The following LCORL variants were observed in gnomAD, a reference collection of about 807,000 sequenced individuals.
The protein encoded by LCORL is ligand dependent nuclear receptor corepressor like, also known as ligand-dependent nuclear receptor corepressor-like protein.
In LCORL, 41 loss-of-function variants were observed where a neutral mutation model predicts 141.8. The observed-to-expected ratio is 0.29, with a 90% confidence interval of 0.23 to 0.38. The LOEUF (loss-of-function observed/expected upper bound fraction) is 0.38. Among genes scored for constraint, LCORL ranks in the 10% least tolerant of loss-of-function variants. The pLI is 1.00. For missense variants in LCORL, 1,759 were observed against 2,035.0 expected, an observed-to-expected ratio of 0.86 and a Z score of 2.61; for synonymous variants, 618 against 694.1, an observed-to-expected ratio of 0.89 and a Z score of 1.72.
Position 17,961,098 on chromosome 4 carries a change from T to TC in LCORL, c.430+804dup, listed in dbSNP as rs1713694283. On this transcript the variant is annotated intron_variant, in intron 4 of 7. Coordinates refer to ENST00000635767, the Ensembl canonical transcript of LCORL. ...CATTCCAAAGAGGAGTAAAATAGGGTCAACAAGTAGATGATGACAATATGG... is the reference window on the plus strand; with the variant it reads ...CATTCCAAAGAGGAGTAAAATAGGGTCCAACAAGTAGATGATGACAATATGG... Among the ~76,000 whole-genome samples, 3 of 152,102 alleles carry TC rather than the reference T, an allele frequency of 2.0e-5. No individual in the cohort carries two copies. In the East Asian group the frequency reaches 5.8e-4, roughly 29 times the overall value.
At chr4:17,973,057 A>T (rs1716282666) in intron 1 of LCORL, among the ~76,000 whole-genome samples, 172 bp from the exon 2 acceptor site, 1 of 151,894 alleles carries the variant, frequency 6.6e-6, no homozygotes, top group Non-Finnish European at 1.5e-5. Flanking sequence ...TCACACAATG[A>T]CTACCAGAAA....
intron 1 of LCORL, among the ~76,000 whole-genome samples, chr4:18,007,502 T>C (rs996226945): frequency 6.6e-6 from 1 of 152,162 alleles, no homozygotes; most frequent in African/African-American, 2.4e-5. Context: ...ATGCTTCTAT[T>C]ATCGCATTTA....
At chr4:17,993,468 G>T (rs1034527926) in intron 1 of LCORL, among the ~76,000 whole-genome samples, 1 of 151,956 alleles carries the variant, frequency 6.6e-6, no homozygotes, top group Admixed American at 6.6e-5. Context: ...GCCTCCCAAA[G>T]TGCTGGGATT....
At chr4:17,922,475 C>T (rs112428528) in intron 4 of LCORL, among the ~76,000 whole-genome samples, 4,451 of 152,178 alleles carry the variant, frequency 0.029, 93 homozygotes, top group African/African-American at 0.054. Flanking sequence ...ATAATGAAGT[C>T]GGTTGGTTGC....
At position 17,946,538 on chromosome 4, in the gene LCORL, T is replaced by A. The variant is rs375890974; in HGVS notation, c.430+15365A>T. Among the ~76,000 whole-genome samples, 30 of 152,104 alleles carry A rather than the reference T, an allele frequency of 2.0e-4. 1 individual carries two copies. The South Asian group carries it at 3.3e-3, about 17-fold the overall frequency. ...AAATTCATTTAAAACATAAATGTAT[T>A]ATACAAGGAACTGAAAATATAAATC... On this transcript the variant is annotated intron_variant, in intron 4 of 7. Coordinates refer to ENST00000635767, the Ensembl canonical transcript of LCORL.
intron 7 of LCORL, among the ~76,000 whole-genome samples, chr4:17,855,940 C>G (rs1024459256): frequency 1.4e-4 from 22 of 152,190 alleles, no homozygotes; most frequent in Admixed American, 1.4e-3. Context: ...CACCATGATG[C>G]TTAAAAAAGT....
At chr4:17,868,734 C>T (rs1725975713) in intron 7 of LCORL, among the ~76,000 whole-genome samples, 1 of 152,140 alleles carries the variant, frequency 6.6e-6, no homozygotes, top group Non-Finnish European at 1.5e-5. Context: ...TATAGCTTCT[C>T]ACTATTCACA....
chr4:17,859,641 T>C (rs140435500), intron 7 of LCORL, among the ~76,000 whole-genome samples: 11 of 152,276 alleles, frequency 7.2e-5, no homozygotes, highest in Admixed American at 5.2e-4. Flanking sequence ...CTCTGAATGA[T>C]AACTGTGTAA....
rs1468134920 is a variant in LCORL, at chr4:17,978,902, CT to C, written c.155-6018del. Reference sequence around the variant, plus strand: ...TACACTAAAGGCAGATCTCTGCCTTCTTTTTTTTATTTTTTATTTTTTATTA... The same window carrying C: ...TACACTAAAGGCAGATCTCTGCCTTCTTTTTTTATTTTTTATTTTTTATTA... On this transcript the variant is annotated intron_variant, in intron 1 of 7. Transcript: ENST00000635767. Among the ~76,000 whole-genome samples, 6 of 152,030 alleles carry C rather than the reference CT, an allele frequency of 3.9e-5. No individual in the cohort carries two copies. In the East Asian group the frequency reaches 1.2e-3, roughly 29 times the overall value.
At chr4:18,005,541 T>A (rs764430913) in intron 1 of LCORL, among the ~76,000 whole-genome samples, 1 of 152,182 alleles carries the variant, frequency 6.6e-6, no homozygotes, top group Non-Finnish European at 1.5e-5. Flanking sequence ...GCAGAGGTTC[T>A]CCATGAGAGC....
intron 4 of LCORL, among the ~76,000 whole-genome samples, chr4:17,929,023 G>T (rs1261310493): frequency 1.3e-5 from 2 of 152,020 alleles, no homozygotes; most frequent in South Asian, 2.1e-4. Flanking sequence ...ATTCCAAAAT[G>T]TAATTTTTAA....
At chr4:18,020,236 G>A (rs527664501) in intron 1 of LCORL, among the ~76,000 whole-genome samples, 420 of 152,218 alleles carry the variant, frequency 2.8e-3, no homozygotes, top group Non-Finnish European at 4.5e-3. Context: ...AAGATCTTAA[G>A]ACGTTAACCA....
intron 4 of LCORL, among the ~76,000 whole-genome samples, chr4:17,936,474 T>A (rs1321852314): frequency 6.6e-6 from 1 of 151,992 alleles, no homozygotes; most frequent in Non-Finnish European, 1.5e-5. Flanking sequence ...AGATCAGTAT[T>A]TTTTTTCCAC....
At chr4:17,968,905 T>C (rs922071909) in intron 2 of LCORL, among the ~76,000 whole-genome samples, 1 of 152,238 alleles carries the variant, frequency 6.6e-6, no homozygotes, top group Non-Finnish European at 1.5e-5. Flanking sequence ...AAATCTCTGA[T>C]ACAAATAATG....
intron 4 of LCORL, among the ~76,000 whole-genome samples, chr4:17,941,763 A>G (rs1227490552): frequency 2.0e-5 from 3 of 152,138 alleles, no homozygotes; most frequent in Non-Finnish European, 2.9e-5. Context: ...CATTACCCCA[A>G]TGTTCATATT....
intron 4 of LCORL, among the ~76,000 whole-genome samples, chr4:17,931,113 A>T (rs1735965636): frequency 6.6e-6 from 1 of 152,144 alleles, no homozygotes; most frequent in African/African-American, 2.4e-5. Flanking sequence ...ATAAAATCTT[A>T]TCATTTTTAA....
chr4:17,935,403 C>A (rs1340186783), intron 4 of LCORL, among the ~76,000 whole-genome samples: 2 of 152,126 alleles, frequency 1.3e-5, no homozygotes, highest in African/African-American at 4.8e-5. Flanking sequence ...GATGTTCTGT[C>A]CCCTCCAAAT....
chr4:17,867,689 C>A (rs1725845130), intron 7 of LCORL, among the ~76,000 whole-genome samples: 1 of 152,000 alleles, frequency 6.6e-6, no homozygotes, highest in African/African-American at 2.4e-5. Flanking sequence ...CCTGATACAT[C>A]AAAAGAAAAA....
exon 7 of LCORL, chr4:17,876,066 T>G (rs1432971145): frequency 1.6e-6 from 2 of 1,230,928 alleles, no homozygotes; most frequent in Non-Finnish European, 1.0e-6. Flanking sequence ...TAAAGTATAT[T>G]TGACCCCTTC....
Sources: gnomAD v4.1 joint callset for allele counts (sites outside exome capture counted in the v4.1 genomes callset) on GRCh38, gnomAD v4.1.1 for gene constraint, MANE v1.5 for transcripts, NCBI Gene and HGNC (gene_info 2026-07-23, HGNC 2026-07-21) for gene names.